USO1: variants seen among roughly 807,000 people sequenced by gnomAD.
USO1 encodes the protein general vesicular transport factor p115.
In USO1, 57 loss-of-function variants were observed where a neutral mutation model predicts 124.5. That is an observed-to-expected ratio of 0.46 (90% CI 0.37 to 0.57). The LOEUF is 0.57. USO1 is among the 20% of genes least tolerant of loss of function. The probability of loss-of-function intolerance (pLI) is 0.00; values close to 1 mark genes in which losing one functional copy is unlikely to be tolerated. For synonymous variants in USO1, 369 were observed against 362.8 expected, an observed-to-expected ratio of 1.02 and a Z score of -0.19; for missense variants, 900 against 1,040.6, an observed-to-expected ratio of 0.86 and a Z score of 1.86.
intron 1 of USO1, among the ~76,000 whole-genome samples, chr4:75,742,533 C>T (rs1290885159): frequency 6.6e-6 from 1 of 152,196 alleles, no homozygotes; most frequent in Non-Finnish European, 1.5e-5. Flanking sequence ...TACCTATCTT[C>T]ACTGTATTTA....
chr4:75,788,984 C>T (rs1004611707), intron 10 of USO1, among the ~76,000 whole-genome samples: 1 of 152,116 alleles, frequency 6.6e-6, no homozygotes. Context: ...ATCACTAATA[C>T]TCAACTTTCC....
Position 75,774,786 on chromosome 4 carries a change from C to T in USO1, c.666C>T (p.Asn222=). 6.2e-7 allele frequency: 1 copy of T among 1,613,398 alleles called. No individual in the cohort carries two copies. The highest frequency in any genetic ancestry group is 8.5e-7 in the Non-Finnish European group (1 of 1,179,616). ...RLLDIISEEG[N]SDGGIVVEDC... is the part of the protein sequence containing the mutation. ...TGGACATTATTTCAGAGGAGGGGAA[C>T]AGTGATGGAGGTATAGTATGAAGAA... The change falls in exon 8 of 24, where the codon AAC becomes AAT. Residue 222 remains asparagine, a synonymous_variant. Transcript: ENST00000514213.
intron 9 of USO1, among the ~76,000 whole-genome samples, chr4:75,786,095 G>A (rs1722353447): frequency 6.6e-6 from 1 of 152,056 alleles, no homozygotes; most frequent in African/African-American, 2.4e-5. Flanking sequence ...TAATTCTAGT[G>A]ATTTCTGGTT....
In USO1 at chr4:75,776,229, C is replaced by G. The variant is rs537608816; in HGVS notation, c.676+1433C>G. Among the ~76,000 whole-genome samples the G allele has an allele frequency of 2.6e-4, 39 of 152,272 alleles. No individual in the cohort carries two copies. In the South Asian group the frequency reaches 7.9e-3, roughly 31 times the overall value. ...GTACACTGGGCTGGGAGGGTCACAG[C>G]TTCAACATGCTGACTCTAAGGTACA... On this transcript the variant is annotated intron_variant, in intron 8 of 23. Coordinates refer to ENST00000514213, the MANE Select transcript of USO1 (RefSeq NM_003715.4).
chr4:75,744,506 G>A (rs564920383), intron 1 of USO1, among the ~76,000 whole-genome samples: 14 of 152,174 alleles, frequency 9.2e-5, no homozygotes, highest in African/African-American at 2.9e-4. Context: ...TGCAACCTCC[G>A]CCTCTCAGGT....
intron 1 of USO1, among the ~76,000 whole-genome samples, chr4:75,749,904 A>G (rs1252287315): frequency 1.3e-5 from 2 of 151,958 alleles, no homozygotes; most frequent in Non-Finnish European, 2.9e-5. Context: ...GGCACCCGTC[A>G]CCAGGCCCAG....
intron 17 of USO1, among the ~76,000 whole-genome samples, chr4:75,802,694 G>GTTTTTGAT (rs1253506584): frequency 3.2e-5 from 4 of 124,832 alleles, no homozygotes; most frequent in Non-Finnish European, 5.2e-5. Context: ...TATATTCAGT[G>GTTTTTGAT]TTTTTGATGC....
chr4:75,797,750 G>A (rs1343933104), intron 13 of USO1, among the ~76,000 whole-genome samples: 3 of 151,628 alleles, frequency 2.0e-5, no homozygotes, highest in East Asian at 3.9e-4. Flanking sequence ...CAAGTGATTC[G>A]CCTGCCTCAG....
At chr4:75,739,809 C>T (rs917168230) in intron 1 of USO1, among the ~76,000 whole-genome samples, 1 of 152,054 alleles carries the variant, frequency 6.6e-6, no homozygotes, top group African/African-American at 2.4e-5. Flanking sequence ...TCCCAAAGTG[C>T]TGGGATTACA....
At position 75,745,212 on chromosome 4, in the gene USO1, T is replaced by TTA. The variant is rs149059336; in HGVS notation, c.67-7148_67-7147dup. The TTA allele has an allele frequency of 2.1e-3, 607 of 294,942 alleles. 1 individual carries two copies. Among genetic ancestry groups the TTA allele is most frequent in the African/African-American group, 9.6e-3 (425 of 44,246 alleles). The allele number at this position is 294,942 out of a possible 1,614,324, so 18.3% of individuals were successfully genotyped here. On this transcript the variant is annotated intron_variant, in intron 1 of 23. Coordinates refer to ENST00000514213, the MANE Select transcript of USO1 (RefSeq NM_003715.4). ...TATTAATCCTTGGAATCTTTCTTTT[T>TTA]TATATATATATATAGTACTGATATT...
intron 12 of USO1, 116 bp from the exon 13 acceptor site, chr4:75,793,574 A>G (rs1722592186): frequency 7.5e-7 from 1 of 1,340,174 alleles, no homozygotes; most frequent in Non-Finnish European, 1.0e-6. Context: ...TACATGTTTA[A>G]TGATTATATT....
chr4:75,795,217 C>T, intron 13 of USO1: 2 of 654,442 alleles, frequency 3.1e-6, no homozygotes, highest in Non-Finnish European at 2.8e-6. Context: ...CCATCCTGTC[C>T]CAAATTATTG....
intron 4 of USO1, among the ~76,000 whole-genome samples, chr4:75,760,817 C>T (rs1721584785): frequency 6.6e-6 from 1 of 152,124 alleles, no homozygotes; most frequent in Admixed American, 6.6e-5. Flanking sequence ...CTGTCCAGAA[C>T]ACATAAAATA....
chr4:75,785,977 C>A (rs1327452127), intron 9 of USO1, among the ~76,000 whole-genome samples: 3 of 152,212 alleles, frequency 2.0e-5, no homozygotes, highest in Non-Finnish European at 4.4e-5. Context: ...TTAGTGACAT[C>A]AATTTATTAA....
chr4:75,805,052 A>C, intron 18 of USO1, 88 bp from the exon 19 acceptor site: 1 of 1,439,042 alleles, frequency 6.9e-7, no homozygotes, highest in Non-Finnish European at 9.2e-7. Flanking sequence ...TAATTGAATG[A>C]AGAAAATTAC....
chr4:75,745,386 G>GTAT (rs754098934), intron 1 of USO1: 5 of 515,772 alleles, frequency 9.7e-6, no homozygotes, highest in Admixed American at 7.9e-5. Context: ...CACAGGGACT[G>GTAT]TATTACTATG....
chr4:75,756,324 A>C (rs1406048734), intron 3 of USO1, among the ~76,000 whole-genome samples: 1 of 152,048 alleles, frequency 6.6e-6, no homozygotes, highest in African/African-American at 2.4e-5. Context: ...AAGAGCAGGA[A>C]AAAAGAAGCA....
chr4:75,777,440 A>G (rs1310538356), intron 8 of USO1, among the ~76,000 whole-genome samples: 1 of 152,200 alleles, frequency 6.6e-6, no homozygotes, highest in Admixed American at 6.5e-5. Flanking sequence ...TGCAAAACAC[A>G]TGTTTGAAAA....
chr4:75,767,601 G>A (rs765261705), intron 4 of USO1: 2 of 285,798 alleles, frequency 7.0e-6, no homozygotes, highest in South Asian at 5.5e-5. Flanking sequence ...AAAATTAGCC[G>A]GGCGTGGTAG....
Sources: allele counts gnomAD v4.1 joint callset (sites outside exome capture counted in the v4.1 genomes callset), GRCh38; gene constraint gnomAD v4.1.1; transcripts MANE v1.5; gene names NCBI Gene and HGNC (gene_info 2026-07-23, HGNC 2026-07-21).